Variants in ERC1 observed in about 807,000 individuals in gnomAD.
The protein encoded by ERC1 is RAB6 interacting protein 2.
In ERC1, 56 loss-of-function variants were observed where a neutral mutation model predicts 132.0. The ratio of observed to expected loss-of-function variants is 0.42; its 90% CI spans 0.34 to 0.53. The LOEUF (loss-of-function observed/expected upper bound fraction) is 0.53. Ranked by LOEUF, ERC1 falls within the 20% of genes least tolerant of loss-of-function variation. The probability of loss-of-function intolerance (pLI) is 0.03; values close to 1 mark genes in which losing one functional copy is unlikely to be tolerated. For missense variants in ERC1, 1,202 were observed against 1,349.9 expected (o/e 0.89, Z 1.72); for synonymous variants, 478 against 476.1 (o/e 1.00, Z -0.05).
At chr12:1,418,328 T>C (rs1591911355) in intron 17 of ERC1, among the ~76,000 whole-genome samples, 1 of 152,320 alleles carries the variant, frequency 6.6e-6, no homozygotes, top group Middle Eastern at 3.4e-3. Context: ...TAAAGAATTT[T>C]CTGACCTGCC....
At chr12:1,413,988 C>CA (rs2091980527) in intron 17 of ERC1, among the ~76,000 whole-genome samples, 1 of 152,186 alleles carries the variant, frequency 6.6e-6, no homozygotes, top group Admixed American at 6.5e-5. Flanking sequence ...CATCATCAGG[C>CA]ATCAGTTAGA....
At chr12:1,339,581 CAG>C (rs2083628714) in intron 15 of ERC1, among the ~76,000 whole-genome samples, 1 of 148,148 alleles carries the variant, frequency 6.8e-6, no homozygotes, top group African/African-American at 2.5e-5. Context: ...ACAACTGTGA[CAG>C]GGTGCTAGCA....
chr12:1,295,603 T>A, intron 15 of ERC1, among the ~76,000 whole-genome samples: 1 of 152,098 alleles, frequency 6.6e-6, no homozygotes, highest in African/African-American at 2.4e-5. Context: ...ACACAAAAGA[T>A]AGGTTTGAGG....
chr12:1,403,419 GC>G (rs1404582743), intron 16 of ERC1, among the ~76,000 whole-genome samples: 4 of 152,170 alleles, frequency 2.6e-5, no homozygotes, highest in African/African-American at 9.7e-5. Flanking sequence ...CCCCTTAAGA[GC>G]ACAGAGTCAT....
At position 1,028,297 on chromosome 12, in the gene ERC1, C is replaced by T. The variant is rs565050203; in HGVS notation, c.394C>T (p.Pro132Ser). ...AGCATTTGGAGAGCATCACCTCCCT[C>T]CTGTGAGTATGGCATCCACTGTACC... The part of the protein sequence containing the change: ...TIAFGEHHLP[P>S]VSMASTVPHS... The change falls in exon 2 of 19, where the codon CCT (proline) becomes TCT (serine). Residue 132 changes from proline (P) to serine (S), a missense_variant. By Grantham distance (74) the Pro-to-Ser change is moderately conservative. Transcript: ENST00000360905. The T allele has an allele frequency of 1.5e-5, 25 of 1,614,146 alleles. No homozygotes were observed. Among genetic ancestry groups the T allele is most frequent in the African/African-American group, 2.7e-5 (2 of 75,008 alleles).
chr12:1,304,125 T>C (rs2080647740), intron 15 of ERC1, among the ~76,000 whole-genome samples: 1 of 152,174 alleles, frequency 6.6e-6, no homozygotes, highest in South Asian at 2.1e-4. Context: ...GAGGTATTTG[T>C]TGTGGAGTTC....
At chr12:1,261,657 G>GTTTGTTTTCT (rs2077152827) in intron 13 of ERC1, among the ~76,000 whole-genome samples, 1 of 151,366 alleles carries the variant, frequency 6.6e-6, no homozygotes, top group East Asian at 1.9e-4. Flanking sequence ...AACAAACAAC[G>GTTTGTTTTCT]TTTGTTTTCT....
At chr12:1,351,817 GTAT>G (rs2085027964) in intron 15 of ERC1, among the ~76,000 whole-genome samples, 1 of 151,990 alleles carries the variant, frequency 6.6e-6, no homozygotes, top group South Asian at 2.1e-4. Context: ...AGTATCTTTT[GTAT>G]TATTTTGGAT....
At chr12:1,117,861 G>T (rs1946620080) in intron 7 of ERC1, among the ~76,000 whole-genome samples, 1 of 152,054 alleles carries the variant, frequency 6.6e-6, no homozygotes, top group South Asian at 2.1e-4. Context: ...GGTTTATTCA[G>T]GGAATTATAA....
rs143818237 is a variant in ERC1 at position 1,222,721 on chromosome 12, C to G, written c.2352-14048C>G. 2.6e-4 allele frequency among the ~76,000 whole-genome samples: 39 copies of G among 151,912 alleles called. No individual in the cohort carries two copies. The East Asian group carries it at 7.5e-3, about 29-fold the overall frequency. ...TGACAATAGAAGCATCCTATTTTTTCTTAAATTTGTGTGGGAGATTTTATG... is the reference window on the plus strand; with the variant it reads ...TGACAATAGAAGCATCCTATTTTTTGTTAAATTTGTGTGGGAGATTTTATG... On this transcript the variant is annotated intron_variant, in intron 12 of 18. Coordinates refer to ENST00000360905, the MANE Select transcript of ERC1 (RefSeq NM_178040.4).
chr12:1,338,466 A>G (rs1430237664), intron 15 of ERC1, among the ~76,000 whole-genome samples: 1 of 151,914 alleles, frequency 6.6e-6, no homozygotes, highest in Non-Finnish European at 1.5e-5. Context: ...CGCTTCCTTG[A>G]TTTTGTTTCA....
intron 17 of ERC1, among the ~76,000 whole-genome samples, chr12:1,422,002 G>A (rs1236928208): frequency 6.6e-6 from 1 of 152,208 alleles, no homozygotes; most frequent in Non-Finnish European, 1.5e-5. Flanking sequence ...CTCCAGCCTG[G>A]CAAAATAAGC....
intron 8 of ERC1, among the ~76,000 whole-genome samples, chr12:1,158,653 A>T (rs1212072633): frequency 7.1e-6 from 1 of 140,836 alleles, no homozygotes. Context: ...GGGTTTCTCC[A>T]TGTTGGTCAG....
chr12:1,417,674 G>A (rs150941881), intron 17 of ERC1, among the ~76,000 whole-genome samples: 351 of 151,660 alleles, frequency 2.3e-3, no homozygotes, highest in South Asian at 0.016. Flanking sequence ...CCAGCTACTC[G>A]GAAGGCTGAG....
chr12:1,000,273 C>T (rs56677510), intron 1 of ERC1, among the ~76,000 whole-genome samples: 3 of 151,952 alleles, frequency 2.0e-5, no homozygotes, highest in Non-Finnish European at 2.9e-5. Flanking sequence ...TCACTTGAGG[C>T]CAGGAGTTCA....
intron 18 of ERC1, among the ~76,000 whole-genome samples, chr12:1,460,114 C>T (rs1481267552): frequency 2.6e-5 from 4 of 152,182 alleles, no homozygotes; most frequent in Non-Finnish European, 5.9e-5. Flanking sequence ...ATTTTATAAT[C>T]ATTTATTTCA....
rs1431158474 is a variant in ERC1 at position 1,141,773 on chromosome 12, G to A, written c.1723G>A (p.Val575Ile). The A allele has an allele frequency of 1.2e-6, 2 of 1,601,936 alleles. No homozygotes were observed. Among genetic ancestry groups the A allele is most frequent in the Non-Finnish European group, 8.5e-7 (1 of 1,174,156 alleles). The change falls in exon 8 of 19, where the codon GTT becomes ATT. Residue 575 changes from valine to isoleucine, a missense_variant. Transcript: ENST00000360905. ...GGATGTGAAGGAGCGGAAGGTTAAT[G>A]TTCTTCAGAAGAAGGTAAGGTACAG... ...MLDVKERKVN[V>I]LQKKIENLQE...
chr12:1,391,951 C>G (rs1227012535), intron 16 of ERC1, among the ~76,000 whole-genome samples: 2 of 152,196 alleles, frequency 1.3e-5, no homozygotes, highest in Admixed American at 1.3e-4. Context: ...TGCCTTCTCT[C>G]TGCCTTTTTA....
At chr12:1,065,510 G>GTGTGTGTA (rs1251941170) in intron 2 of ERC1, among the ~76,000 whole-genome samples, 1 of 147,108 alleles carries the variant, frequency 6.8e-6, no homozygotes, top group Non-Finnish European at 1.5e-5. Context: ...GTGTGTGTGT[G>GTGTGTGTA]TGTGTGTGTG....
Sources: gnomAD v4.1 joint callset for allele counts (sites outside exome capture counted in the v4.1 genomes callset) on GRCh38, gnomAD v4.1.1 for gene constraint, MANE v1.5 for transcripts, NCBI Gene and HGNC (gene_info 2026-07-23, HGNC 2026-07-21) for gene names.